Variants in VDAC1 observed in about 807,000 individuals in gnomAD.
VDAC1 encodes the protein non-selective voltage-gated ion channel VDAC1.
VDAC1 carries 10 observed loss-of-function variants against 34.7 expected under a neutral mutation model. That is an observed-to-expected ratio of 0.29 (90% confidence interval 0.18 to 0.49). The LOEUF is 0.49. Ranked by LOEUF, VDAC1 falls within the 20% of genes least tolerant of loss-of-function variation. The pLI, the probability that VDAC1 is intolerant of heterozygous loss-of-function variation, is 0.99. For missense variants in VDAC1, 230 were observed against 347.9 expected, an observed-to-expected ratio of 0.66 and a Z score of 2.69; for synonymous variants, 130 against 136.0, an observed-to-expected ratio of 0.96 and a Z score of 0.30.
the VDAC1 span, among the ~76,000 whole-genome samples, chr5:134,100,032 C>A: frequency 1.3e-5 from 2 of 152,248 alleles, no homozygotes; most frequent in Non-Finnish European, 2.9e-5. Context: ...GCCCTGTGAG[C>A]CCAGCCTTAT....
At chr5:134,069,241 T>G in the VDAC1 span, among the ~76,000 whole-genome samples, 3 of 152,072 alleles carry the variant, frequency 2.0e-5, no homozygotes, top group African/African-American at 4.8e-5. Context: ...TAAGGGAAAT[T>G]TTTTTAGTGT....
the VDAC1 span, among the ~76,000 whole-genome samples, chr5:134,023,667 T>C: frequency 6.6e-6 from 1 of 152,044 alleles, no homozygotes; most frequent in Non-Finnish European, 1.5e-5. Context: ...GACTCAGGAA[T>C]GCACAAAATA....
the VDAC1 span, among the ~76,000 whole-genome samples, chr5:134,059,372 C>T: frequency 2.0e-5 from 3 of 152,188 alleles, no homozygotes; most frequent in Non-Finnish European, 4.4e-5. Context: ...GAGGAAGCGG[C>T]TGGCATCAGA....
chr5:133,975,253 C>CA (rs148970934), intron 7 of VDAC1, among the ~76,000 whole-genome samples: 7,659 of 150,978 alleles, frequency 0.051, 217 homozygotes, highest in East Asian at 0.13. Flanking sequence ...GGCCTTGTCT[C>CA]AAAAAAACAA....
the VDAC1 span, among the ~76,000 whole-genome samples, chr5:134,085,040 A>C: frequency 5.3e-5 from 8 of 151,272 alleles, 1 homozygote; most frequent in South Asian, 1.7e-3. Flanking sequence ...AGTGAAAAAT[A>C]AAATCAAGAG....
At chr5:134,018,178 C>T in the VDAC1 span, among the ~76,000 whole-genome samples, 1 of 152,294 alleles carries the variant, frequency 6.6e-6, no homozygotes, top group East Asian at 1.9e-4. Context: ...TGAGTGTCTC[C>T]TAACGAGGAA....
At chr5:133,992,221 A>T (rs1753130587) in intron 3 of VDAC1, 85 bp downstream of exon 3, 2 of 1,066,506 alleles carry the variant, frequency 1.9e-6, no homozygotes, top group South Asian at 7.4e-5. Context: ...GGGCGACAAG[A>T]GCAAAACTCC....
chr5:133,976,800 T>C (rs1752499425), intron 6 of VDAC1, among the ~76,000 whole-genome samples: 1 of 152,224 alleles, frequency 6.6e-6, no homozygotes, highest in South Asian at 2.1e-4. Context: ...TCCCAGCACT[T>C]TGGGAGGCCA....
rs555867236 is a variant in VDAC1 at position 133,996,016 on chromosome 5, C to G, written c.-6-2998G>C. Among the ~76,000 whole-genome samples the G allele has an allele frequency of 9.2e-5, 14 of 152,268 alleles. No homozygotes were observed. The South Asian group carries it at 2.1e-3, about 23-fold the overall frequency. ...ACAGCTGTCTCTGCAGCATCCACCC[C>G]CCAGGGGCCTTCACAAGCTGAGCCT... On this transcript the variant is annotated intron_variant, in intron 1 of 8. Transcript: ENST00000265333.
chr5:134,042,956 A>G, the VDAC1 span, among the ~76,000 whole-genome samples: 27 of 152,328 alleles, frequency 1.8e-4, no homozygotes, highest in Admixed American at 1.3e-3. Flanking sequence ...GGCACTGAGT[A>G]TGTGGGTCGT....
chr5:134,106,510 C>T, the VDAC1 span, among the ~76,000 whole-genome samples: 3 of 151,120 alleles, frequency 2.0e-5, no homozygotes, highest in East Asian at 2.0e-4. Flanking sequence ...TGAGTTCAAG[C>T]GATTCTCCTG....
chr5:134,063,989 G>A, the VDAC1 span, among the ~76,000 whole-genome samples: 5 of 136,428 alleles, frequency 3.7e-5, no homozygotes, highest in Admixed American at 7.9e-5. Flanking sequence ...CATACCACCT[G>A]TACTAATTTT....
At chr5:134,091,992 A>G in the VDAC1 span, among the ~76,000 whole-genome samples, 2 of 152,156 alleles carry the variant, frequency 1.3e-5, no homozygotes, top group Non-Finnish European at 2.9e-5. Flanking sequence ...CCCAGTGCCC[A>G]TGTACTCAGG....
the VDAC1 span, among the ~76,000 whole-genome samples, chr5:134,057,036 A>C: frequency 2.0e-5 from 3 of 152,080 alleles, no homozygotes; most frequent in Admixed American, 2.0e-4. Context: ...GCTGAGTCTA[A>C]AGTATATGTG....
chr5:133,989,319 C>T (rs929944942), intron 5 of VDAC1: 2 of 151,596 alleles, frequency 1.3e-5, no homozygotes, highest in Non-Finnish European at 2.9e-5. Flanking sequence ...CATTTAACTA[C>T]ACACTTAAAG....
the VDAC1 span, among the ~76,000 whole-genome samples, chr5:134,030,713 T>C: frequency 1.3e-5 from 2 of 152,004 alleles, no homozygotes; most frequent in Non-Finnish European, 2.9e-5. Flanking sequence ...GTTCAAGTGA[T>C]TCTCCTGCCT....
chr5:133,980,609 A>C, intron 6 of VDAC1, 120 bp downstream of exon 6: 2 of 854,180 alleles, frequency 2.3e-6, no homozygotes. Flanking sequence ...AACTCACTTT[A>C]CAGTGGTTAA....
At chr5:134,093,451 A>G in the VDAC1 span, among the ~76,000 whole-genome samples, 1 of 152,162 alleles carries the variant, frequency 6.6e-6, no homozygotes, top group Non-Finnish European at 1.5e-5. Context: ...ATATGTTTAT[A>G]GCATGTCCAC....
the VDAC1 span, among the ~76,000 whole-genome samples, chr5:134,031,562 C>A: frequency 6.6e-6 from 1 of 152,330 alleles, no homozygotes; most frequent in East Asian, 1.9e-4. Flanking sequence ...TACAGTGGCT[C>A]ACACCTGTAA....
Sources: gnomAD v4.1 joint callset for allele counts (sites outside exome capture counted in the v4.1 genomes callset) on GRCh38, gnomAD v4.1.1 for gene constraint, MANE v1.5 for transcripts, NCBI Gene and HGNC (gene_info 2026-07-23, HGNC 2026-07-21) for gene names.